Variants in GPT2 observed in about 807,000 individuals in gnomAD.
The protein encoded by GPT2 is alanine aminotransferase 2.
A neutral mutation model predicts 56.9 loss-of-function variants in GPT2; 30 were observed. That is an observed-to-expected ratio of 0.53 (90% CI 0.39 to 0.72). GPT2 has a LOEUF of 0.72. GPT2 is among the 30% of genes least tolerant of loss of function. The pLI, the probability that GPT2 is intolerant of heterozygous loss-of-function variation, is 0.00. For synonymous variants in GPT2, 271 were observed against 283.1 expected, an observed-to-expected ratio of 0.96 and a Z score of 0.43; for missense variants, 542 against 703.4, an observed-to-expected ratio of 0.77 and a Z score of 2.60.
intron 6 of GPT2, chr16:46,915,332 AAC>A (rs1048917526): frequency 3.2e-4 from 47 of 148,366 alleles, no homozygotes; most frequent in African/African-American, 1.2e-3. Flanking sequence ...ACATACTACA[AAC>A]ACTGCACACA....
chr16:46,884,511 G>T, intron 1 of GPT2, 44 bp downstream of exon 1: 1 of 497,180 alleles, frequency 2.0e-6, no homozygotes, highest in Non-Finnish European at 3.1e-6. Flanking sequence ...GCGAAAGCCG[G>T]TTGGGTGTGC....
At chr16:46,909,214 T>G (rs1194978896) in intron 5 of GPT2, among the ~76,000 whole-genome samples, 2 of 152,194 alleles carry the variant, frequency 1.3e-5, no homozygotes, top group Non-Finnish European at 2.9e-5. Context: ...AGGGTCAGAA[T>G]AATTCTGAGA....
intron 8 of GPT2, among the ~76,000 whole-genome samples, chr16:46,918,998 A>T (rs1263960484): frequency 6.6e-6 from 1 of 152,256 alleles, no homozygotes; most frequent in Non-Finnish European, 1.5e-5. Flanking sequence ...AAACAGGACT[A>T]CATGGCAGCT....
chr16:46,929,101 C>T lies in GPT2; in HGVS notation c.*104C>T. On this transcript the variant is annotated 3_prime_UTR_variant, in exon 12 of 12. Transcript: ENST00000340124. ...GACTCTGCCTCGGGCCTCGCAGAGG[C>T]CGCTGGTCACTTCGTCATCATTTTG... 1 of 820,944 alleles carries T rather than the reference C, an allele frequency of 1.2e-6. No homozygotes were observed. Among genetic ancestry groups the T allele is most frequent in the South Asian group, 1.4e-5 (1 of 70,342 alleles). 50.9% of individuals were successfully genotyped at this position (820,944 alleles called of 1,614,324 possible).
chr16:46,897,033 G>C (rs1319748441), intron 2 of GPT2, among the ~76,000 whole-genome samples: 2 of 152,168 alleles, frequency 1.3e-5, no homozygotes, highest in African/African-American at 4.8e-5. Context: ...CTGCACTTCA[G>C]CCTGAGTGAC....
chr16:46,894,249 G>A (rs898155895), intron 2 of GPT2, among the ~76,000 whole-genome samples: 2 of 152,226 alleles, frequency 1.3e-5, no homozygotes, highest in African/African-American at 2.4e-5. Flanking sequence ...CTCTGTTCCA[G>A]GCGTTATTCT....
intron 2 of GPT2, among the ~76,000 whole-genome samples, chr16:46,887,882 C>G (rs1380061852): frequency 2.6e-5 from 4 of 152,164 alleles, no homozygotes; most frequent in Non-Finnish European, 4.4e-5. Flanking sequence ...TGAAAGGGGC[C>G]ATTCTCCTGC....
intron 5 of GPT2, among the ~76,000 whole-genome samples, chr16:46,908,396 C>T (rs1287570356): frequency 1.3e-5 from 2 of 152,094 alleles, no homozygotes; most frequent in East Asian, 3.9e-4. Context: ...GGTGGGGGGA[C>T]TGGTTGCCTG....
intron 9 of GPT2, 34 bp from the exon 10 acceptor site, chr16:46,924,355 T>G (rs1961357785): frequency 6.2e-7 from 1 of 1,612,456 alleles, no homozygotes. Flanking sequence ...TATCCAGAGA[T>G]ACTGACTGCT....
intron 9 of GPT2, 93 bp downstream of exon 9, chr16:46,922,509 A>G (rs1961312254): frequency 2.4e-6 from 3 of 1,244,290 alleles, no homozygotes; most frequent in Non-Finnish European, 3.3e-6. Flanking sequence ...GTGGCCAGAC[A>G]GCAGCCTCCT....
intron 11 of GPT2, among the ~76,000 whole-genome samples, chr16:46,927,481 G>C (rs1379562194): frequency 6.6e-6 from 1 of 152,214 alleles, no homozygotes; most frequent in African/African-American, 2.4e-5. Flanking sequence ...AGGAACTGCA[G>C]GGGAATTTGC....
intron 8 of GPT2, among the ~76,000 whole-genome samples, chr16:46,919,824 C>T (rs181133970): frequency 6.6e-6 from 1 of 152,220 alleles, no homozygotes; most frequent in East Asian, 1.9e-4. Context: ...GTGCACCAGA[C>T]AGAGATGGGG....
intron 1 of GPT2, 91 bp downstream of exon 1, chr16:46,884,558 G>T: frequency 1.1e-6 from 1 of 935,606 alleles, no homozygotes; most frequent in Non-Finnish European, 1.4e-6. Flanking sequence ...GGTCCGGGTC[G>T]CCGGGGGATG....
chr16:46,889,253 T>TTA (rs1401890417), intron 2 of GPT2, among the ~76,000 whole-genome samples: 1 of 142,942 alleles, frequency 7.0e-6, no homozygotes, highest in Non-Finnish European at 1.6e-5. Context: ...TTAATTTTTT[T>TTA]TTTTTTTTTT....
intron 5 of GPT2, among the ~76,000 whole-genome samples, chr16:46,907,535 G>C (rs1960956789): frequency 6.6e-6 from 1 of 152,210 alleles, no homozygotes; most frequent in Admixed American, 6.5e-5. Flanking sequence ...AACTGGGAGA[G>C]GGGGTGTGCT....
chr16:46,896,961 G>A (rs1431528266), intron 2 of GPT2, among the ~76,000 whole-genome samples: 2 of 152,246 alleles, frequency 1.3e-5, no homozygotes, highest in Non-Finnish European at 2.9e-5. Context: ...ACTTTGGGAG[G>A]CCAAGGCGGA....
At chr16:46,924,275 G>C in intron 9 of GPT2, 114 bp from the exon 10 acceptor site, 1 of 1,218,266 alleles carries the variant, frequency 8.2e-7, no homozygotes, top group African/African-American at 1.5e-5. Context: ...TGTGTTCAAA[G>C]CTGGAGCAAA....
chr16:46,884,613 C>T (rs1344765697), intron 1 of GPT2, 81 bp from the exon 2 acceptor site: 23 of 1,284,092 alleles, frequency 1.8e-5, no homozygotes, highest in Non-Finnish European at 2.2e-5. Context: ...CTGAAAGAGC[C>T]CTTGGCTGGG....
At chr16:46,916,423 GAC>G in intron 6 of GPT2, 2 of 568,206 alleles carry the variant, frequency 3.5e-6, no homozygotes, top group Non-Finnish European at 6.5e-6. Flanking sequence ...AGGAGAGTCA[GAC>G]ACACAGGCTG....
Sources: allele counts gnomAD v4.1 joint callset (sites outside exome capture counted in the v4.1 genomes callset), GRCh38; gene constraint gnomAD v4.1.1; transcripts MANE v1.5; gene names NCBI Gene and HGNC (gene_info 2026-07-23, HGNC 2026-07-21).